PSMC2: variants seen among roughly 807,000 people sequenced by gnomAD.
PSMC2 encodes 26S proteasome regulatory subunit 7.
Under a neutral mutation model 53.3 loss-of-function variants are expected in PSMC2, and 7 were observed. The observed-to-expected ratio is 0.13, with a 90% CI of 0.07 to 0.25. The LOEUF (loss-of-function observed/expected upper bound fraction) is 0.25. Among genes scored for constraint, PSMC2 ranks in the 10% least tolerant of loss-of-function variants. The pLI, the probability that PSMC2 is intolerant of heterozygous loss-of-function variation, is 1.00. For missense variants in PSMC2, 241 were observed against 544.0 expected (o/e 0.44, Z 5.54); for synonymous variants, 169 against 183.9 (o/e 0.92, Z 0.66).
chr7:103,356,737 T>G (rs971722439), intron 4 of PSMC2, among the ~76,000 whole-genome samples: 3 of 152,220 alleles, frequency 2.0e-5, no homozygotes, highest in African/African-American at 4.8e-5. Flanking sequence ...TTTTAACTTC[T>G]TGGTACCTTT....
chr7:103,358,259 C>T (rs2116185818), intron 4 of PSMC2, among the ~76,000 whole-genome samples: 1 of 152,262 alleles, frequency 6.6e-6, no homozygotes, highest in East Asian at 1.9e-4. Context: ...TAATTTTTCT[C>T]TGAAAATTGT....
At chr7:103,352,217 A>T (rs1366571758) in intron 1 of PSMC2, among the ~76,000 whole-genome samples, 13 of 82,906 alleles carry the variant, frequency 1.6e-4, no homozygotes, top group African/African-American at 9.7e-4. Context: ...TACTTAGTTA[A>T]AAAAAAAAAA....
intron 8 of PSMC2, among the ~76,000 whole-genome samples, chr7:103,364,556 C>T (rs998307196): frequency 6.6e-6 from 1 of 152,106 alleles, no homozygotes; most frequent in Non-Finnish European, 1.5e-5. Flanking sequence ...ACCATGGCTA[C>T]ATGCCACCAC....
chr7:103,351,179 A>C (rs1189628100), intron 1 of PSMC2, among the ~76,000 whole-genome samples: 1 of 152,218 alleles, frequency 6.6e-6, no homozygotes, highest in Non-Finnish European at 1.5e-5. Context: ...TGTGTTGGAT[A>C]GTCTTCATGC....
At chr7:103,355,933 G>A in intron 4 of PSMC2, 140 bp downstream of exon 4, 4 of 563,348 alleles carry the variant, frequency 7.1e-6, no homozygotes, top group South Asian at 3.8e-5. Context: ...ACAAAACTGG[G>A]GTTAAAATTT....
intron 1 of PSMC2, among the ~76,000 whole-genome samples, chr7:103,350,332 G>C (rs1819699352): frequency 6.6e-6 from 1 of 152,064 alleles, no homozygotes; most frequent in Non-Finnish European, 1.5e-5. Flanking sequence ...CTGTGAAACT[G>C]TTTTTCCTAT....
Position 103,354,925 on chromosome 7 carries a change from C to G in PSMC2, c.166C>G (p.Leu56Val). 6.2e-7 allele frequency: 1 copy of G among 1,612,304 alleles called. No individual in the cohort carries two copies. The highest frequency in any genetic ancestry group is 8.5e-7 in the Non-Finnish European group (1 of 1,178,548). ...AGTTGAAGATGACATTCAGCAACTT[C>G]TCAAGAAAATTAATGAGCTCACTGG... is the stretch of plus-strand genomic sequence containing the variant. Reference protein sequence around the residue: ...KQVEDDIQQLLKKINELTGIK... With the variant: ...KQVEDDIQQLVKKINELTGIK... Residue 56 changes from leucine (L) to valine (V), a missense_variant, in exon 3 of 12, where the codon CTC (leucine) becomes GTC (valine). Around this residue, in one of 6 missense-constraint regions of PSMC2, gnomAD observed 75 missense variants for 185.1 expected, o/e 0.41. Transcript: ENST00000292644.
Position 103,362,271 on chromosome 7 carries a change from G to A in PSMC2, c.422+183G>A, listed in dbSNP as rs954972816. On this transcript the variant is annotated intron_variant, in intron 5 of 11. Transcript: ENST00000292644. Reference sequence around the variant, plus strand: ...TGCTTCCTAACTTCCCATCGGCTTCGCTGACTCCCCTACTCCCACTGTTGT... The same window carrying A: ...TGCTTCCTAACTTCCCATCGGCTTCACTGACTCCCCTACTCCCACTGTTGT... 17 of 1,412,124 alleles carry A rather than the reference G, an allele frequency of 1.2e-5. No homozygotes were observed. In the South Asian group the frequency reaches 1.9e-4, roughly 16 times the overall value. The allele number at this position is 1,412,124 out of a possible 1,614,324, so 87.5% of individuals were successfully genotyped here. A position where few individuals can be genotyped will look rare whatever the true frequency, so the allele number is the denominator to read the frequency against.
In PSMC2 at chr7:103,347,739, C is replaced by G. The variant is rs780482695; in HGVS notation, c.28C>G (p.Arg10Gly). 1 of 1,613,892 alleles carries G rather than the reference C, an allele frequency of 6.2e-7. No individual in the cohort carries two copies. The change falls in exon 1 of 12, where the codon CGG (arginine) becomes GGG (glycine). Residue 10 changes from arginine (R) to glycine (G), a missense_variant. Arg to Gly is a moderately radical substitution (Grantham distance 125). Around this residue, in one of 6 missense-constraint regions of PSMC2, gnomAD observed 70 missense variants for 57.9 expected, o/e 1.21. Transcript: ENST00000292644. ...GCCGGATTACCTCGGTGCCGATCAG[C>G]GGAAGACCAAAGAGGATGAGAAGGA... MPDYLGADQ[R>G]KTKEDEKDDK...
In PSMC2 at chr7:103,360,881, G is replaced by C. The variant is rs186168961; in HGVS notation, c.291-1076G>C. On this transcript the variant is annotated intron_variant, in intron 4 of 11. Transcript: ENST00000292644. ...AATCCCAGCACTTTGGGAGGCCGAA[G>C]CAGGTGGATCACTTGAGGTCGGGAG... 1.9e-3 allele frequency among the ~76,000 whole-genome samples: 290 copies of C among 152,250 alleles called. 3 individuals carry two copies. The highest frequency in any genetic ancestry group is 6.8e-3 in the African/African-American group (281 of 41,546).
intron 1 of PSMC2, among the ~76,000 whole-genome samples, chr7:103,349,133 C>T (rs1819672274): frequency 6.6e-6 from 1 of 152,162 alleles, no homozygotes; most frequent in Non-Finnish European, 1.5e-5. Flanking sequence ...TATGTTTCTT[C>T]TTACTTTTCC....
At chr7:103,349,264 A>G (rs1248257974) in intron 1 of PSMC2, among the ~76,000 whole-genome samples, 5 of 152,136 alleles carry the variant, frequency 3.3e-5, no homozygotes, top group Admixed American at 2.6e-4. Context: ...ATTTTAGGAC[A>G]CTGAAAATGT....
In PSMC2 at chr7:103,367,302, C is replaced by G; in HGVS notation, c.845-111C>G. The G allele has an allele frequency of 1.1e-6, 1 of 917,808 alleles. No individual in the cohort carries two copies. Among genetic ancestry groups the G allele is most frequent in the Non-Finnish European group, 1.7e-6 (1 of 585,866 alleles). 56.9% of individuals were successfully genotyped at this position (917,808 alleles called of 1,614,324 possible). A position where few individuals can be genotyped will look rare whatever the true frequency, so the allele number is the denominator to read the frequency against. On this transcript the variant is annotated intron_variant, in intron 9 of 11. Coordinates refer to ENST00000292644, the MANE Select transcript of PSMC2 (RefSeq NM_002803.4). The surrounding 1 kb of genome is among the most constrained non-coding windows in gnomAD (Gnocchi z 6.1). ...CAGGATTTGCTTCAAAGTGGGATGT[C>G]ACTTGTGCCTGAGGACATGATTTGA...
chr7:103,354,035 A>G (rs550946911), intron 2 of PSMC2, 77 bp downstream of exon 2: 9 of 1,171,176 alleles, frequency 7.7e-6, no homozygotes, highest in Non-Finnish European at 1.1e-5. Flanking sequence ...TCCTTCCAAA[A>G]TAATTAGAAG....
At chr7:103,359,307 AT>A (rs1047097907) in intron 4 of PSMC2, among the ~76,000 whole-genome samples, 1 of 151,536 alleles carries the variant, frequency 6.6e-6, no homozygotes, top group Non-Finnish European at 1.5e-5. Context: ...CAGCTTATGA[AT>A]TTTTTTAATA....
chr7:103,369,120 A>G lies in PSMC2; in HGVS notation c.*1066A>G, dbSNP rs1820879157. 1 of 152,190 alleles carries G rather than the reference A, an allele frequency of 6.6e-6. No homozygotes were observed. The highest frequency in any genetic ancestry group is 2.4e-5 in the African/African-American group (1 of 41,458). 9.4% of individuals were successfully genotyped at this position (152,190 alleles called of 1,614,324 possible). A position where few individuals can be genotyped will look rare whatever the true frequency, so the allele number is the denominator to read the frequency against. Reference sequence around the variant, plus strand: ...AATAGAAAAAGTTGACAACATAGAAAATGCTGCTTTGCACTGAAATACTTA... The same window carrying G: ...AATAGAAAAAGTTGACAACATAGAAGATGCTGCTTTGCACTGAAATACTTA... On this transcript the variant is annotated 3_prime_UTR_variant, in exon 12 of 12. Transcript: ENST00000292644.
chr7:103,363,771 A>C (rs1190422468), intron 7 of PSMC2, among the ~76,000 whole-genome samples: 1 of 152,248 alleles, frequency 6.6e-6, no homozygotes, highest in Non-Finnish European at 1.5e-5. Flanking sequence ...AAGGGGCTTA[A>C]ATTGAAGCAG....
Position 103,364,426 on chromosome 7 carries a change from T to A in PSMC2, c.756+119T>A, listed in dbSNP as rs1037372442. The A allele has an allele frequency of 1.8e-5, 21 of 1,139,574 alleles. No homozygotes were observed. The African/African-American group carries it at 3.1e-4, about 17-fold the overall frequency. The allele number at this position is 1,139,574 out of a possible 1,614,324, so 70.6% of individuals were successfully genotyped here. ...ACCTGAAATTTCTTTTTTCTTTTGT[T>A]GAGACAGAGTCTCATTGTGTTGCCC... On this transcript the variant is annotated intron_variant, in intron 8 of 11. Transcript: ENST00000292644.
At chr7:103,358,986 A>ATT (rs550195195) in intron 4 of PSMC2, among the ~76,000 whole-genome samples, 2 of 143,120 alleles carry the variant, frequency 1.4e-5, no homozygotes, top group African/African-American at 2.6e-5. Context: ...TAGCTTGTGA[A>ATT]TTTTTTTTTT....
Sources: allele counts gnomAD v4.1 joint callset (sites outside exome capture counted in the v4.1 genomes callset), GRCh38; gene constraint gnomAD v4.1.1; regional missense constraint gnomAD v4.1.1; non-coding constraint Gnocchi (gnomAD v3.1); transcripts MANE v1.5; gene names NCBI Gene and HGNC (gene_info 2026-07-23, HGNC 2026-07-21).